Variants in TMEFF2 observed in about 807,000 individuals in gnomAD.
TMEFF2 encodes tomoregulin-2.
TMEFF2 carries 28 observed loss-of-function variants against 53.8 expected under a neutral mutation model. The ratio of observed to expected loss-of-function variants is 0.52; its 90% CI spans 0.39 to 0.71. TMEFF2 has a LOEUF of 0.71. Ranked by LOEUF, TMEFF2 falls within the 30% of genes least tolerant of loss-of-function variation. TMEFF2 has a pLI of 0.00. For synonymous variants in TMEFF2, 162 were observed against 166.3 expected (o/e 0.97, Z 0.20); for missense variants, 353 against 455.2 (o/e 0.78, Z 2.04).
At chr2:192,154,098 CT>C (rs1690451534) in intron 4 of TMEFF2, among the ~76,000 whole-genome samples, 2 of 151,858 alleles carry the variant, frequency 1.3e-5, no homozygotes, top group Admixed American at 6.6e-5. Flanking sequence ...TATCTTTGTG[CT>C]TCCAGTGGTT....
At chr2:191,980,773 G>T (rs543748961) in intron 7 of TMEFF2, among the ~76,000 whole-genome samples, 1 of 151,984 alleles carries the variant, frequency 6.6e-6, no homozygotes, top group African/African-American at 2.4e-5. Flanking sequence ...ATTTGGCCCC[G>T]AGTCCTACTC....
At chr2:192,107,384 G>A (rs1689172935) in intron 4 of TMEFF2, among the ~76,000 whole-genome samples, 1 of 151,748 alleles carries the variant, frequency 6.6e-6, no homozygotes, top group East Asian at 1.9e-4. Flanking sequence ...CTTTCAGCTA[G>A]AGAACCTGGA....
At chr2:191,964,380 TTC>T (rs1280948044) in intron 7 of TMEFF2, among the ~76,000 whole-genome samples, 907 of 39,876 alleles carry the variant, frequency 0.023, 31 homozygotes, top group African/African-American at 0.066. Flanking sequence ...TTCTCTTTCT[TTC>T]TTTCTTTCTT....
At chr2:192,151,330 C>T (rs1356010224) in intron 4 of TMEFF2, among the ~76,000 whole-genome samples, 1 of 151,860 alleles carries the variant, frequency 6.6e-6, no homozygotes, top group Non-Finnish European at 1.5e-5. Context: ...TTTAAAAACT[C>T]TCCACATAAT....
intron 5 of TMEFF2, chr2:192,032,285 G>A (rs1334104356): frequency 6.6e-6 from 1 of 152,084 alleles, no homozygotes; most frequent in African/African-American, 2.4e-5. Context: ...AACAGACTCA[G>A]CCTAGTGATG....
chr2:192,092,733 G>A (rs890209916), intron 4 of TMEFF2, among the ~76,000 whole-genome samples: 7 of 152,122 alleles, frequency 4.6e-5, no homozygotes, highest in Non-Finnish European at 1.0e-4. Context: ...GGGGGCAGCA[G>A]ATCAAGTGAG....
intron 7 of TMEFF2, among the ~76,000 whole-genome samples, chr2:191,962,950 G>C (rs1442498640): frequency 6.6e-6 from 1 of 152,100 alleles, no homozygotes; most frequent in Non-Finnish European, 1.5e-5. Flanking sequence ...CTCAGCAAGT[G>C]GGTAACTCCT....
At chr2:192,048,823 T>TA (rs956851623) in intron 5 of TMEFF2, among the ~76,000 whole-genome samples, 2 of 152,134 alleles carry the variant, frequency 1.3e-5, no homozygotes, top group South Asian at 4.2e-4. Context: ...TTGAAGCAGC[T>TA]AAAAAAACCT....
At chr2:192,014,282 G>T (rs1686698267) in intron 5 of TMEFF2, among the ~76,000 whole-genome samples, 1 of 152,126 alleles carries the variant, frequency 6.6e-6, no homozygotes, top group African/African-American at 2.4e-5. Context: ...AACGGTAAAG[G>T]TCCCCAGAGT....
chr2:192,072,278 T>C (rs961990186), intron 4 of TMEFF2, among the ~76,000 whole-genome samples: 1 of 151,962 alleles, frequency 6.6e-6, no homozygotes, highest in Non-Finnish European at 1.5e-5. Context: ...TATCCTTAAA[T>C]AGGCCCAATT....
chr2:192,095,979 T>C (rs748616049), intron 4 of TMEFF2, among the ~76,000 whole-genome samples: 1 of 152,208 alleles, frequency 6.6e-6, no homozygotes, highest in Non-Finnish European at 1.5e-5. Context: ...TGGACATTTG[T>C]AGTGGCTTAG....
At chr2:192,106,482 T>C (rs1483956039) in intron 4 of TMEFF2, among the ~76,000 whole-genome samples, 3 of 151,794 alleles carry the variant, frequency 2.0e-5, no homozygotes, top group Non-Finnish European at 3.0e-5. Flanking sequence ...TTTCATGTTA[T>C]TTTCTGTTCT....
chr2:192,036,555 A>C (rs1687298037), intron 5 of TMEFF2: 1 of 152,198 alleles, frequency 6.6e-6, no homozygotes, highest in African/African-American at 2.4e-5. Context: ...ATCTGGAATA[A>C]ACATCTCCAG....
chr2:192,075,375 A>G (rs370352340), intron 4 of TMEFF2, among the ~76,000 whole-genome samples: 1 of 139,458 alleles, frequency 7.2e-6, no homozygotes, highest in African/African-American at 2.7e-5. Flanking sequence ...CTTTCTTTTC[A>G]TGGGGGCCTA....
At chr2:191,996,609 A>G (rs1686227944) in intron 7 of TMEFF2, among the ~76,000 whole-genome samples, 1 of 151,932 alleles carries the variant, frequency 6.6e-6, no homozygotes. Flanking sequence ...CACAATGTAC[A>G]TTCTTGGAAA....
intron 4 of TMEFF2, among the ~76,000 whole-genome samples, chr2:192,077,808 GTA>G (rs1482153334): frequency 1.3e-5 from 2 of 151,836 alleles, no homozygotes; most frequent in Non-Finnish European, 2.9e-5. Context: ...GTATATATTT[GTA>G]TATGTTTATA....
At position 192,144,330 on chromosome 2, in the gene TMEFF2, G is replaced by T. The variant is rs545451629; in HGVS notation, c.439+35338C>A. On this transcript the variant is annotated intron_variant, in intron 4 of 9. Coordinates refer to ENST00000272771, the MANE Select transcript of TMEFF2 (RefSeq NM_016192.4). Reference sequence around the variant, plus strand: ...TCATTGCCAAGGGCATGATATTGGAGAACAGGTAAATAGATTTATCTGATG... The same window carrying T: ...TCATTGCCAAGGGCATGATATTGGATAACAGGTAAATAGATTTATCTGATG... 7.2e-5 allele frequency among the ~76,000 whole-genome samples: 11 copies of T among 152,152 alleles called. No individual in the cohort carries two copies. In the East Asian group the frequency reaches 2.1e-3, roughly 29 times the overall value.
At chr2:192,034,961 AT>A (rs1438007032) in intron 5 of TMEFF2, 2 of 152,128 alleles carry the variant, frequency 1.3e-5, no homozygotes, top group Non-Finnish European at 2.9e-5. Flanking sequence ...GTGTTAGAAG[AT>A]TGGTCAGTAT....
At chr2:192,144,717 T>G (rs550868517) in intron 4 of TMEFF2, among the ~76,000 whole-genome samples, 1 of 152,134 alleles carries the variant, frequency 6.6e-6, no homozygotes, top group African/African-American at 2.4e-5. Context: ...GCAGGGTTGT[T>G]TGGCTTTTAT....
Sources: gnomAD v4.1 joint callset for allele counts (sites outside exome capture counted in the v4.1 genomes callset) on GRCh38, gnomAD v4.1.1 for gene constraint, MANE v1.5 for transcripts, NCBI Gene and HGNC (gene_info 2026-07-23, HGNC 2026-07-21) for gene names.